DNAH6: variants seen among roughly 807,000 people sequenced by gnomAD.
DNAH6 encodes the protein dynein axonemal heavy chain 6.
A neutral mutation model predicts 491.4 loss-of-function variants in DNAH6; 340 were observed. That is an observed-to-expected ratio of 0.69 (90% confidence interval 0.63 to 0.76). The LOEUF is 0.76. DNAH6 is among the 30% of genes least tolerant of loss of function. DNAH6 has a pLI of 0.00. For synonymous variants in DNAH6, 1,603 were observed against 1,686.1 expected (o/e 0.95, Z 1.21); for missense variants, 4,443 against 4,972.2 (o/e 0.89, Z 3.20).
In DNAH6 at chr2:84,672,846, G is replaced by A. The variant is rs574200789; in HGVS notation, c.6612+362G>A. 7.9e-5 allele frequency among the ~76,000 whole-genome samples: 12 copies of A among 152,284 alleles called. No homozygotes were observed. The South Asian group carries it at 2.5e-3, about 32-fold the overall frequency. The stretch of plus-strand genomic sequence containing the variant: ...AAATACAGTCACATTCTGAGACCCT[G>A]AGTTAGGACTTCAACATATGATTTG... On this transcript the variant is annotated intron_variant, in intron 40 of 76. Transcript: ENST00000389394.
rs2104836415 is a variant in DNAH6, at chr2:84,703,572, A to G, written c.8229+10A>G. 1 of 1,535,120 alleles carries G rather than the reference A, an allele frequency of 6.5e-7. No individual in the cohort carries two copies. Among genetic ancestry groups the G allele is most frequent in the African/African-American group, 1.4e-5 (1 of 72,394 alleles). ...AGAAAGTGCCGATCAGGTATGCTGC[A>G]GTTCCTGAGAATGTGGAAAAGGCTT... On this transcript the variant is annotated intron_variant, in intron 50 of 76. Transcript: ENST00000389394.
At chr2:84,784,925 C>T (rs1677034774) in intron 66 of DNAH6, 115 bp downstream of exon 66, 1 of 700,244 alleles carries the variant, frequency 1.4e-6, no homozygotes, top group Non-Finnish European at 2.4e-6. Flanking sequence ...GTGTGGCCAG[C>T]ATGGGGAGGT....
chr2:84,781,330 T>G (rs1305011546), intron 64 of DNAH6, among the ~76,000 whole-genome samples, 163 bp from the exon 65 acceptor site: 1 of 152,232 alleles, frequency 6.6e-6, no homozygotes, highest in African/African-American at 2.4e-5. Flanking sequence ...TAAAAATATT[T>G]TTAAAAACAA....
chr2:84,534,745 A>C (rs1677521575), intron 4 of DNAH6, among the ~76,000 whole-genome samples: 1 of 151,948 alleles, frequency 6.6e-6, no homozygotes, highest in Admixed American at 6.6e-5. Flanking sequence ...AAAAATCTGA[A>C]TTTTAATTGA....
chr2:84,525,702 G>GT lies in DNAH6; in HGVS notation c.366dup (p.Leu123SerfsTer2). ...AAAGTTTTGCCACATCATCTACTCA[G>GT]TTTCTTGAGCATCAAGATGCTGTGA... is the stretch of plus-strand genomic sequence containing the variant. On this transcript the variant is annotated frameshift_variant, in exon 3 of 77. Transcript: ENST00000389394. LOFTEE classifies it high-confidence loss of function. The GT allele has an allele frequency of 6.5e-7, 1 of 1,547,948 alleles. No homozygotes were observed. The highest frequency in any genetic ancestry group is 8.7e-7 in the Non-Finnish European group (1 of 1,145,616).
chr2:84,817,584 A>G (rs971499199), intron 76 of DNAH6, among the ~76,000 whole-genome samples: 1 of 152,106 alleles, frequency 6.6e-6, no homozygotes, highest in African/African-American at 2.4e-5. Flanking sequence ...CCTGGGCAAC[A>G]TAGTGAAACC....
At chr2:84,552,483 C>A (rs1469064847) in intron 9 of DNAH6, among the ~76,000 whole-genome samples, 1 of 152,114 alleles carries the variant, frequency 6.6e-6, no homozygotes, top group Non-Finnish European at 1.5e-5. Flanking sequence ...ATTTTGCTTT[C>A]AAGAATTCTC....
chr2:84,753,827 A>ATT (rs373380346), intron 63 of DNAH6, among the ~76,000 whole-genome samples: 158 of 131,130 alleles, frequency 1.2e-3, no homozygotes, highest in Middle Eastern at 3.9e-3. Flanking sequence ...TTTTGAGTTA[A>ATT]TTTTTTTTTT....
chr2:84,578,470 A>G (rs1373502840), intron 13 of DNAH6, among the ~76,000 whole-genome samples: 1 of 152,152 alleles, frequency 6.6e-6, no homozygotes, highest in Non-Finnish European at 1.5e-5. Context: ...GATTGGGTCG[A>G]TATCAAGGAG....
At chr2:84,676,904 A>G (rs1027012495) in intron 40 of DNAH6, 101 bp from the exon 41 acceptor site, 3 of 1,338,168 alleles carry the variant, frequency 2.2e-6, no homozygotes, top group Non-Finnish European at 3.1e-6. Flanking sequence ...CACAAAAAAA[A>G]ATGTAATGCA....
intron 61 of DNAH6, among the ~76,000 whole-genome samples, chr2:84,730,253 C>T (rs1699013877): frequency 6.6e-6 from 1 of 152,166 alleles, no homozygotes; most frequent in Admixed American, 6.5e-5. Flanking sequence ...GTAGGCATTT[C>T]CAGGATTGAA....
At chr2:84,582,583 C>T (rs1683142601) in intron 14 of DNAH6, among the ~76,000 whole-genome samples, 1 of 152,236 alleles carries the variant, frequency 6.6e-6, no homozygotes, top group Non-Finnish European at 1.5e-5. Flanking sequence ...TCCTGAGTAG[C>T]TGGGACTACA....
chr2:84,489,716 GA>G, the DNAH6 span, among the ~76,000 whole-genome samples: 133,997 of 152,120 alleles, frequency 0.88, 59,961 homozygotes, highest in East Asian at 1. Flanking sequence ...GAATTGGTTA[GA>G]CCCACAGTTC....
intron 3 of DNAH6, 33 bp from the exon 4 acceptor site, chr2:84,528,871 C>CG: frequency 1.2e-6 from 1 of 859,400 alleles, no homozygotes; most frequent in South Asian, 1.7e-5. Flanking sequence ...TGCAAAGACT[C>CG]ATTTTTTTTT....
chr2:84,463,937 T>C, the DNAH6 span, among the ~76,000 whole-genome samples: 1 of 152,320 alleles, frequency 6.6e-6, no homozygotes, highest in East Asian at 1.9e-4. Context: ...TTTGGCTCCT[T>C]ATGTTGAAAA....
At chr2:84,582,571 C>T (rs763051633) in intron 14 of DNAH6, among the ~76,000 whole-genome samples, 12 of 152,232 alleles carry the variant, frequency 7.9e-5, no homozygotes, top group Non-Finnish European at 1.3e-4. Context: ...CCTGCCTCAG[C>T]CTCCTGAGTA....
chr2:84,740,850 C>T (rs1381071221), intron 62 of DNAH6, among the ~76,000 whole-genome samples: 2 of 152,262 alleles, frequency 1.3e-5, no homozygotes, highest in Non-Finnish European at 2.9e-5. Flanking sequence ...AGCGTAATTC[C>T]ACCACCTACT....
chr2:84,549,933 T>A lies in DNAH6; in HGVS notation c.1361T>A (p.Ile454Asn). 6.2e-7 allele frequency: 1 copy of A among 1,613,942 alleles called. No individual in the cohort carries two copies. Among genetic ancestry groups the A allele is most frequent in the East Asian group, 2.2e-5 (1 of 44,852 alleles). Residue 454 changes from isoleucine (I) to asparagine (N), a missense_variant, in exon 9 of 77, where the codon ATC becomes AAC. Ile to Asn is a moderately radical substitution (Grantham distance 149). Transcript: ENST00000389394. ...TATCTAATTGAGAACACAATGCACA[T>A]CTTAACGGTAAATGCTGTTAATTCG... is the stretch of plus-strand genomic sequence containing the variant. ...NDYLIENTMH[I>N]LTVNAVNSLL... is the part of the protein sequence containing the mutation.
chr2:84,609,484 CAG>C (rs1211915835), intron 21 of DNAH6, among the ~76,000 whole-genome samples: 4 of 151,954 alleles, frequency 2.6e-5, no homozygotes, highest in African/African-American at 9.7e-5. Context: ...CAGGGAATAA[CAG>C]GGGGCACGGA....
Sources: gnomAD v4.1 joint callset for allele counts (sites outside exome capture counted in the v4.1 genomes callset) on GRCh38, gnomAD v4.1.1 for gene constraint, MANE v1.5 for transcripts, NCBI Gene and HGNC (gene_info 2026-07-23, HGNC 2026-07-21) for gene names.